MAP2: variants seen among roughly 807,000 people sequenced by gnomAD.
MAP2 encodes the protein microtubule associated protein 2.
A neutral mutation model predicts 137.6 loss-of-function variants in MAP2; 14 were observed. The ratio of observed to expected loss-of-function variants is 0.10; its 90% CI spans 0.07 to 0.16. The LOEUF (loss-of-function observed/expected upper bound fraction) is 0.16. Among genes scored for constraint, MAP2 ranks in the 10% least tolerant of loss-of-function variants. The pLI is 1.00. For synonymous variants in MAP2, 786 were observed against 782.3 expected (o/e 1.00, Z -0.08); for missense variants, 2,088 against 2,191.5 (o/e 0.95, Z 0.94).
intron 2 of MAP2, among the ~76,000 whole-genome samples, chr2:209,559,975 G>A (rs1314834511): frequency 1.3e-5 from 2 of 152,176 alleles, no homozygotes; most frequent in Non-Finnish European, 2.9e-5. Flanking sequence ...ACTATGATTA[G>A]TGCTATGAAA....
chr2:209,660,309 C>A (rs981588973), intron 5 of MAP2, among the ~76,000 whole-genome samples: 13 of 151,734 alleles, frequency 8.6e-5, no homozygotes, highest in Non-Finnish European at 1.8e-4. Context: ...TAAAATCTGG[C>A]CCTATACTAT....
chr2:209,569,754 A>G (rs903649572), intron 2 of MAP2, among the ~76,000 whole-genome samples: 2 of 151,878 alleles, frequency 1.3e-5, no homozygotes, highest in African/African-American at 4.8e-5. Flanking sequence ...TTTCTCATGT[A>G]ACGTTTAAGA....
At chr2:209,620,995 G>A (rs934201030) in intron 3 of MAP2, among the ~76,000 whole-genome samples, 2 of 151,978 alleles carry the variant, frequency 1.3e-5, no homozygotes, top group Non-Finnish European at 2.9e-5. Flanking sequence ...AGGAGTTCAA[G>A]ACCTGCCTGA....
intron 2 of MAP2, among the ~76,000 whole-genome samples, chr2:209,510,613 G>A (rs2061611239): frequency 6.6e-6 from 1 of 151,998 alleles, no homozygotes; most frequent in Non-Finnish European, 1.5e-5. Flanking sequence ...GTTGGAATTA[G>A]GATTTTAAAA....
intron 13 of MAP2, among the ~76,000 whole-genome samples, chr2:209,715,939 C>G (rs1225602013): frequency 6.6e-6 from 1 of 152,190 alleles, no homozygotes; most frequent in Admixed American, 6.5e-5. Context: ...CTCTCACTTT[C>G]TCTCATCCCA....
At chr2:209,475,153 C>T (rs552950060) in intron 1 of MAP2, among the ~76,000 whole-genome samples, 4 of 152,086 alleles carry the variant, frequency 2.6e-5, no homozygotes, top group Admixed American at 1.3e-4. Flanking sequence ...AATTTGCTCC[C>T]GTCATGAAGT....
intron 2 of MAP2, among the ~76,000 whole-genome samples, chr2:209,574,212 A>T (rs1475879857): frequency 1.3e-5 from 2 of 152,004 alleles, no homozygotes; most frequent in Admixed American, 1.3e-4. Flanking sequence ...CCACTGCCAA[A>T]CTGTCCCCCA....
Position 209,695,378 on chromosome 2 carries a change from C to G in MAP2, c.3208C>G (p.Leu1070Val). 1 of 1,613,296 alleles carries G rather than the reference C, an allele frequency of 6.2e-7. No homozygotes were observed. Among genetic ancestry groups the G allele is most frequent in the Non-Finnish European group, 8.5e-7 (1 of 1,179,696 alleles). The part of the protein sequence containing the change: ...LNIDDRRATE[L>V]KLEATQDMTP... ...CATAGATGATAGAAGGGCAACAGAG[C>G]TAAAACTTGAGGCTACACAGGACAT... Residue 1070 changes from leucine (L) to valine (V), a missense_variant, in exon 8 of 16, where the codon CTA (leucine) becomes GTA (valine). Physicochemically the swap from Leu to Val is conservative, Grantham distance 32. Around this residue, in one of 6 missense-constraint regions of MAP2, gnomAD observed 500 missense variants for 482.9 expected, o/e 1.04. Transcript: ENST00000682079.
At chr2:209,542,616 A>G (rs1215113130) in intron 2 of MAP2, among the ~76,000 whole-genome samples, 1 of 152,220 alleles carries the variant, frequency 6.6e-6, no homozygotes, top group Admixed American at 6.5e-5. Flanking sequence ...GATTTTAGCT[A>G]GATCTTCTAG....
chr2:209,430,965 T>C (rs1694106126), intron 1 of MAP2, among the ~76,000 whole-genome samples: 1 of 152,038 alleles, frequency 6.6e-6, no homozygotes, highest in Non-Finnish European at 1.5e-5. Flanking sequence ...ATGAAGATTA[T>C]TTCAGAGCAC....
At chr2:209,677,011 T>C (rs2052105078) in intron 5 of MAP2, among the ~76,000 whole-genome samples, 1 of 151,540 alleles carries the variant, frequency 6.6e-6, no homozygotes, top group Non-Finnish European at 1.5e-5. Flanking sequence ...CTGTAGCCCT[T>C]TTTGTATACT....
chr2:209,666,720 A>C (rs575446775), intron 5 of MAP2, among the ~76,000 whole-genome samples: 2 of 152,158 alleles, frequency 1.3e-5, no homozygotes, highest in African/African-American at 2.4e-5. Flanking sequence ...TGATGGAATT[A>C]CTAGATACGT....
rs188840497 is a variant in MAP2, at chr2:209,653,283, G to A, written c.113G>A (p.Gly38Glu). 5.7e-5 allele frequency: 92 copies of A among 1,614,102 alleles called. 1 individual carries two copies. In the East Asian group the frequency reaches 1.0e-3, roughly 18 times the overall value. Residue 38 changes from glycine (G) to glutamate (E), a missense_variant, in exon 5 of 16, where the codon GGG (glycine) becomes GAG (glutamate). Gly to Glu is a moderately conservative substitution (Grantham distance 98). Coordinates refer to ENST00000682079, the MANE Select transcript of MAP2 (RefSeq NM_001375505.1). ...PPEIKDQGGA[G>E]EGLVRSANGF... ...GAGATTAAGGATCAAGGCGGAGCAG[G>A]GGAAGGACTTGTCCGAAGCGCCAAT... is the stretch of plus-strand genomic sequence containing the variant.
chr2:209,501,850 T>C (rs185610641), intron 1 of MAP2, among the ~76,000 whole-genome samples: 1 of 151,368 alleles, frequency 6.6e-6, no homozygotes, highest in Non-Finnish European at 1.5e-5. Context: ...GCACTGCAAA[T>C]GAAAGTGCTC....
At position 209,694,494 on chromosome 2, in the gene MAP2, C is replaced by G; in HGVS notation, c.2324C>G (p.Thr775Ser). The change falls in exon 8 of 16, where the codon ACT becomes AGT. Residue 775 changes from threonine (T) to serine (S), a missense_variant. By Grantham distance (58) the Thr-to-Ser change is moderately conservative (BLOSUM62 1). Around this residue, in one of 6 missense-constraint regions of MAP2, gnomAD observed 500 missense variants for 482.9 expected, o/e 1.04. Coordinates refer to ENST00000682079, the MANE Select transcript of MAP2 (RefSeq NM_001375505.1). ...GAACAGATAGAGAAAGTAAAAGCTA[C>G]TGGAGAAGAAAGTACTCAAGCGGAG... ...EEEQIEKVKATGEESTQAEIS... is the reference protein window; with the variant it reads ...EEEQIEKVKASGEESTQAEIS... 1.2e-6 allele frequency: 2 copies of G among 1,614,068 alleles called. No individual in the cohort carries two copies. Among genetic ancestry groups the G allele is most frequent in the East Asian group, 2.2e-5 (1 of 44,870 alleles).
intron 12 of MAP2, among the ~76,000 whole-genome samples, chr2:209,707,169 C>T (rs1247209200): frequency 2.0e-5 from 3 of 152,110 alleles, no homozygotes; most frequent in Non-Finnish European, 4.4e-5. Flanking sequence ...GGCACTTTCT[C>T]CATAAATCCA....
chr2:209,514,853 A>G (rs1271825978), intron 2 of MAP2, among the ~76,000 whole-genome samples: 2 of 152,122 alleles, frequency 1.3e-5, no homozygotes, highest in African/African-American at 2.4e-5. Flanking sequence ...GACATACAAT[A>G]CACACATGTG....
chr2:209,525,753 A>G (rs2150467258), intron 2 of MAP2, among the ~76,000 whole-genome samples: 1 of 152,282 alleles, frequency 6.6e-6, no homozygotes, highest in East Asian at 1.9e-4. Context: ...AAACATATAC[A>G]TTCTCAGGGA....
intron 3 of MAP2, among the ~76,000 whole-genome samples, chr2:209,585,483 T>C (rs1242320604): frequency 6.6e-6 from 1 of 152,164 alleles, no homozygotes; most frequent in Non-Finnish European, 1.5e-5. Context: ...AATTACACAA[T>C]CCAGAGATTA....
Sources: gnomAD v4.1 joint callset for allele counts (sites outside exome capture counted in the v4.1 genomes callset) on GRCh38, gnomAD v4.1.1 for gene constraint, gnomAD v4.1.1 regional missense constraint, MANE v1.5 for transcripts, NCBI Gene and HGNC (gene_info 2026-07-23, HGNC 2026-07-21) for gene names.